DGAT2L6: variants seen among roughly 807,000 people sequenced by gnomAD.
DGAT2L6 encodes the protein diacylglycerol O-acyltransferase 2 like 6.
A neutral mutation model predicts 25.5 loss-of-function variants in DGAT2L6; 22 were observed. That is an observed-to-expected ratio of 0.86 (90% CI 0.62 to 1.23). DGAT2L6 has a LOEUF of 1.23. Among genes scored for constraint, DGAT2L6 ranks in the 50% most tolerant of loss-of-function variants. The pLI is 0.00. For missense variants in DGAT2L6, 287 were observed against 253.2 expected, an observed-to-expected ratio of 1.13 and a Z score of -0.91; for synonymous variants, 100 against 94.7, an observed-to-expected ratio of 1.06 and a Z score of -0.32.
At chrX:70,177,752 A>T in intron 1 of DGAT2L6, 85 bp downstream of exon 1, 1 of 841,049 alleles carries the variant, frequency 1.2e-6, no homozygotes, top group Non-Finnish European at 1.7e-6. Flanking sequence ...TTCCAAAGAG[A>T]TCATCTGGGT....
At chrX:70,182,985 G>A (rs185245815) in intron 1 of DGAT2L6, among the ~76,000 whole-genome samples, 3 of 110,129 alleles carry the variant, frequency 2.7e-5, no homozygotes, top group African/African-American at 9.9e-5. Flanking sequence ...TAGAGACAGG[G>A]TTTTGCCACG....
chrX:70,201,508 G>A (rs760863498), intron 4 of DGAT2L6, among the ~76,000 whole-genome samples: 1 of 111,489 alleles, frequency 9.0e-6, no homozygotes, highest in Admixed American at 9.5e-5. Flanking sequence ...GATTACCCCT[G>A]GAGGAGAGAA....
Position 70,199,885 on chromosome X carries a change from G to T in DGAT2L6, c.267+3G>T. On this transcript the variant is annotated splice_donor_region_variant and intron_variant, in intron 3 of 6. Coordinates refer to ENST00000333026, the MANE Select transcript of DGAT2L6 (RefSeq NM_198512.3). The stretch of plus-strand genomic sequence containing the variant: ...TCCGAAATTACTTCCCAGTAAAGGT[G>T]ACCACTCTTCCTCGGGGTGCCCTCA... 8.3e-7 allele frequency: 1 copy of T among 1,208,999 alleles called. No homozygotes were observed. The highest frequency in any genetic ancestry group is 1.1e-6 in the Non-Finnish European group (1 of 893,896).
chrX:70,186,852 T>C (rs753125809), intron 1 of DGAT2L6, among the ~76,000 whole-genome samples: 1 of 112,139 alleles, frequency 8.9e-6, no homozygotes, highest in East Asian at 2.8e-4. Flanking sequence ...ATAAGGAATG[T>C]GAGTACGGCT....
At position 70,193,617 on chromosome X, in the gene DGAT2L6, T is replaced by C. The variant is rs2085382104; in HGVS notation, c.86-5654T>C. Among the ~76,000 whole-genome samples, 3 of 112,245 alleles carry C rather than the reference T, an allele frequency of 2.7e-5. No individual in the cohort carries two copies. In the South Asian group the frequency reaches 1.1e-3, roughly 41 times the overall value. ...AACATGCATATGTCAATAAATGTAATATACCACATTAAGAGAAGAAGAATA... is the reference window on the plus strand; with the variant it reads ...AACATGCATATGTCAATAAATGTAACATACCACATTAAGAGAAGAAGAATA... On this transcript the variant is annotated intron_variant, in intron 1 of 6. Transcript: ENST00000333026.
rs1264062403 is a variant in DGAT2L6 at position 70,199,901 on chromosome X, G to C, written c.267+19G>C. ...AGTAAAGGTGACCACTCTTCCTCGG[G>C]GTGCCCTCAGTCCCTGTTGCCCAGA... On this transcript the variant is annotated intron_variant, in intron 3 of 6. Coordinates refer to ENST00000333026, the MANE Select transcript of DGAT2L6 (RefSeq NM_198512.3). 1 of 1,191,940 alleles carries C rather than the reference G, an allele frequency of 8.4e-7. No individual in the cohort carries two copies. The highest frequency in any genetic ancestry group is 1.1e-6 in the Non-Finnish European group (1 of 881,519).
In DGAT2L6 at chrX:70,184,550, G is replaced by C. The variant is rs57771921; in HGVS notation, c.85+6883G>C. 3.7e-5 allele frequency among the ~76,000 whole-genome samples: 4 copies of C among 109,257 alleles called. No individual in the cohort carries two copies. In the Admixed American group the frequency reaches 3.9e-4, roughly 11 times the overall value. 94.9% of individuals were successfully genotyped at this position (109,257 alleles called of 115,157 possible). On this transcript the variant is annotated intron_variant, in intron 1 of 6. Coordinates refer to ENST00000333026, the MANE Select transcript of DGAT2L6 (RefSeq NM_198512.3). ...TATGATCATAACTCACTGCAGCCTC[G>C]AACTCCTGGGTTCAAGCGATCCTCT...
At chrX:70,186,321 G>A (rs894705003) in intron 1 of DGAT2L6, among the ~76,000 whole-genome samples, 8 of 112,219 alleles carry the variant, frequency 7.1e-5, no homozygotes, top group African/African-American at 2.3e-4. Flanking sequence ...AAAGAAGCAC[G>A]AGTAATGTCT....
At position 70,177,496 on chromosome X, in the gene DGAT2L6, T is replaced by A; in HGVS notation, c.-87T>A. ...CTAATCTTACTCCACAGTAAGAGAT[T>A]ATAGCAAAGCATCTATAATCAACTC... On this transcript the variant is annotated 5_prime_UTR_variant, in exon 1 of 7. Transcript: ENST00000333026. The A allele has an allele frequency of 1.1e-6, 1 of 912,052 alleles. No homozygotes were observed. The highest frequency in any genetic ancestry group is 2.0e-5 in the African/African-American group (1 of 51,183). 75.2% of individuals were successfully genotyped at this position (912,052 alleles called of 1,213,427 possible).
At position 70,202,047 on chromosome X, in the gene DGAT2L6, G is replaced by T; in HGVS notation, c.630G>T (p.Lys210Asn). 8.4e-7 allele frequency: 1 copy of T among 1,196,427 alleles called. No homozygotes were observed. Among genetic ancestry groups the T allele is most frequent in the Non-Finnish European group, 1.1e-6 (1 of 888,434 alleles). The change falls in exon 5 of 7, where the codon AAG becomes AAT. Residue 210 changes from lysine (K) to asparagine (N), a missense_variant. By Grantham distance (94) the Lys-to-Asn change is moderately conservative (BLOSUM62 0). Transcript: ENST00000333026. ...TCAAGCAGCGTAAAGGTTTTGTGAA[G>T]ATGGCACTGCAAACAGGGTGGGTTC... ...LFLKQRKGFVKMALQTGAYLV... is the reference protein window; with the variant it reads ...LFLKQRKGFVNMALQTGAYLV...
At position 70,204,366 on chromosome X, in the gene DGAT2L6, C is replaced by T. The variant is rs1483966130; in HGVS notation, c.709C>T (p.Pro237Ser). 3 of 1,208,702 alleles carry T rather than the reference C, an allele frequency of 2.5e-6. No homozygotes were observed. The highest frequency in any genetic ancestry group is 2.2e-5 in the Admixed American group (1 of 45,601). Reference protein sequence around the residue: ...ENEVFNQETFPEGTWLRLFQK... With the variant: ...ENEVFNQETFSEGTWLRLFQK... Reference sequence around the variant, plus strand: ...CGAAGTTTTCAATCAGGAGACCTTCCCTGAGGGCACGTGGTTAAGGTTGTT... The same window carrying T: ...CGAAGTTTTCAATCAGGAGACCTTCTCTGAGGGCACGTGGTTAAGGTTGTT... Residue 237 changes from proline to serine, a missense_variant, in exon 6 of 7, where the codon CCT becomes TCT. Pro to Ser is a moderately conservative substitution (Grantham distance 74). Coordinates refer to ENST00000333026, the MANE Select transcript of DGAT2L6 (RefSeq NM_198512.3).
chrX:70,186,448 G>A (rs996571031), intron 1 of DGAT2L6, among the ~76,000 whole-genome samples: 2 of 111,843 alleles, frequency 1.8e-5, no homozygotes, highest in African/African-American at 6.5e-5. Flanking sequence ...TAAGCAGAAA[G>A]TTGGAAAGAG....
intron 4 of DGAT2L6, among the ~76,000 whole-genome samples, chrX:70,200,997 G>C (rs889382153): frequency 8.9e-6 from 1 of 112,156 alleles, no homozygotes; most frequent in African/African-American, 3.2e-5. Context: ...TAAAGGATAG[G>C]AGTTCATCAG....
rs2085425972 is a variant in DGAT2L6, at chrX:70,205,447, GC to G, written c.*345del. The G allele has an allele frequency of 2.8e-5, 5 of 176,622 alleles. No homozygotes were observed. The highest frequency in any genetic ancestry group is 4.2e-5 in the Non-Finnish European group (4 of 94,995). 14.6% of individuals were successfully genotyped at this position (176,622 alleles called of 1,213,427 possible). A position where few individuals can be genotyped will look rare whatever the true frequency, so the allele number is the denominator to read the frequency against. On this transcript the variant is annotated 3_prime_UTR_variant, in exon 7 of 7. Coordinates refer to ENST00000333026, the MANE Select transcript of DGAT2L6 (RefSeq NM_198512.3). Reference sequence around the variant, plus strand: ...ACTCTCTGATCACAAAGAATACTGTGCCCCTTTCTCCTAAACCTTAGTTCAC... The same window carrying G: ...ACTCTCTGATCACAAAGAATACTGTGCCCTTTCTCCTAAACCTTAGTTCAC...
chrX:70,202,039 T>C lies in DGAT2L6; in HGVS notation c.622T>C (p.Phe208Leu), dbSNP rs145626540. 1 of 1,199,197 alleles carries C rather than the reference T, an allele frequency of 8.3e-7. No homozygotes were observed. The highest frequency in any genetic ancestry group is 1.1e-6 in the Non-Finnish European group (1 of 890,135). Residue 208 changes from phenylalanine to leucine, a missense_variant, in exon 5 of 7, where the codon TTT becomes CTT. Physicochemically the swap from Phe to Leu is conservative, Grantham distance 22. Transcript: ENST00000333026. ...STLFLKQRKG[F>L]VKMALQTGAY... is the part of the protein sequence containing the mutation. ...TCTCTTCCTCAAGCAGCGTAAAGGT[T>C]TTGTGAAGATGGCACTGCAAACAGG...
At position 70,203,782 on chromosome X, in the gene DGAT2L6, T is replaced by C. The variant is rs373974682; in HGVS notation, c.648-523T>C. Among the ~76,000 whole-genome samples, 84 of 110,218 alleles carry C rather than the reference T, an allele frequency of 7.6e-4. 4 individuals carry two copies. The highest frequency in any genetic ancestry group is 6.7e-3 in the East Asian group (23 of 3,456). ...GATGAGATTGGGACTGAGTGCAAAATTGAATGAGCCACATAAAGACAGAGG... is the reference window on the plus strand; with the variant it reads ...GATGAGATTGGGACTGAGTGCAAAACTGAATGAGCCACATAAAGACAGAGG... On this transcript the variant is annotated intron_variant, in intron 5 of 6. Transcript: ENST00000333026.
chrX:70,181,884 G>T (rs2085344337), intron 1 of DGAT2L6, among the ~76,000 whole-genome samples: 1 of 111,908 alleles, frequency 8.9e-6, no homozygotes, highest in East Asian at 2.8e-4. Flanking sequence ...ATGGCAATTA[G>T]CTATGTGACT....
At chrX:70,199,718 G>GA in intron 2 of DGAT2L6, 94 bp from the exon 3 acceptor site, 2 of 851,489 alleles carry the variant, frequency 2.3e-6, no homozygotes, top group Non-Finnish European at 3.4e-6. Context: ...CCCCTCACGT[G>GA]ACCTGAGGAC....
chrX:70,193,612 T>C (rs945074588), intron 1 of DGAT2L6, among the ~76,000 whole-genome samples: 16 of 112,216 alleles, frequency 1.4e-4, no homozygotes, highest in African/African-American at 5.2e-4. Flanking sequence ...TGTCAATAAA[T>C]GTAATATACC....
Sources: allele counts gnomAD v4.1 joint callset (sites outside exome capture counted in the v4.1 genomes callset), GRCh38; gene constraint gnomAD v4.1.1; transcripts MANE v1.5; gene names NCBI Gene and HGNC (gene_info 2026-07-23, HGNC 2026-07-21).